Variants in FNIP1 observed in about 807,000 individuals in gnomAD.
The protein encoded by FNIP1 is folliculin interacting protein 1.
FNIP1 carries 40 observed loss-of-function variants against 124.5 expected under a neutral mutation model. The observed-to-expected ratio is 0.32, with a 90% confidence interval of 0.25 to 0.42. The LOEUF (loss-of-function observed/expected upper bound fraction) is 0.42. FNIP1 is among the 10% of genes least tolerant of loss of function. The pLI, the probability that FNIP1 is intolerant of heterozygous loss-of-function variation, is 1.00. For synonymous variants in FNIP1, 472 were observed against 470.6 expected (o/e 1.00, Z -0.04); for missense variants, 1,176 against 1,403.7 (o/e 0.84, Z 2.59).
Position 131,684,810 on chromosome 5 carries a change from T to C in FNIP1, c.1203-5635A>G, listed in dbSNP as rs532191139. On this transcript the variant is annotated intron_variant, in intron 11 of 17. Coordinates refer to ENST00000510461, the MANE Select transcript of FNIP1 (RefSeq NM_133372.3). ...TTCCTCAGAGCCCAAGCAGAAACTTTTGGCCTTTGCCACAAAGCTTGTGAC... is the reference window on the plus strand; with the variant it reads ...TTCCTCAGAGCCCAAGCAGAAACTTCTGGCCTTTGCCACAAAGCTTGTGAC... 3.3e-5 allele frequency among the ~76,000 whole-genome samples: 5 copies of C among 152,202 alleles called. No homozygotes were observed. The South Asian group carries it at 1.0e-3, about 31-fold the overall frequency.
At chr5:131,660,531 C>A (rs1336698088) in intron 15 of FNIP1, among the ~76,000 whole-genome samples, 1 of 152,126 alleles carries the variant, frequency 6.6e-6, no homozygotes, top group Non-Finnish European at 1.5e-5. Context: ...TCTGCCCCAA[C>A]AAATCAGCCG....
chr5:131,663,526 AAAG>A (rs146190150), intron 15 of FNIP1, among the ~76,000 whole-genome samples: 9,825 of 152,328 alleles, frequency 0.064, 614 homozygotes, highest in African/African-American at 0.16. Flanking sequence ...TGTAAATAAA[AAAG>A]AAGATTATTG....
intron 1 of FNIP1, among the ~76,000 whole-genome samples, chr5:131,785,068 G>GAT (rs1375841942): frequency 2.5e-4 from 3 of 12,238 alleles, no homozygotes; most frequent in Non-Finnish European, 8.3e-4. Context: ...TCATATATAT[G>GAT]ATATATATGA....
At chr5:131,785,998 T>C (rs781048004) in intron 1 of FNIP1, among the ~76,000 whole-genome samples, 1 of 152,124 alleles carries the variant, frequency 6.6e-6, no homozygotes, top group African/African-American at 2.4e-5. Flanking sequence ...CAAAACTTAT[T>C]CTGGAAACTT....
intron 2 of FNIP1, among the ~76,000 whole-genome samples, chr5:131,740,350 A>T (rs1770472734): frequency 1.3e-5 from 2 of 152,216 alleles, no homozygotes; most frequent in African/African-American, 2.4e-5. Context: ...CATAAATAAG[A>T]CTCAACTATT....
At chr5:131,774,310 G>A (rs1258713884) in intron 1 of FNIP1, among the ~76,000 whole-genome samples, 2 of 152,122 alleles carry the variant, frequency 1.3e-5, no homozygotes, top group Non-Finnish European at 1.5e-5. Context: ...TTACATGCAT[G>A]AGCCACTGCG....
chr5:131,727,578 G>A (rs960090159), intron 3 of FNIP1, among the ~76,000 whole-genome samples: 5 of 152,056 alleles, frequency 3.3e-5, no homozygotes, highest in Non-Finnish European at 1.5e-5. Flanking sequence ...TATCTTTGCA[G>A]ATGAGATGGG....
At chr5:131,657,204 A>G (rs969719756) in intron 15 of FNIP1, among the ~76,000 whole-genome samples, 53 of 151,854 alleles carry the variant, frequency 3.5e-4, no homozygotes, top group Admixed American at 3.3e-3. Context: ...GGTTTTCACT[A>G]TGTTGGCCAG....
intron 15 of FNIP1, among the ~76,000 whole-genome samples, chr5:131,660,188 A>G (rs915674615): frequency 6.6e-6 from 1 of 151,492 alleles, no homozygotes; most frequent in Non-Finnish European, 1.5e-5. Flanking sequence ...GGGTGGACAC[A>G]GTCTTGGTGG....
At chr5:131,668,248 C>G (rs1767657308) in intron 15 of FNIP1, among the ~76,000 whole-genome samples, 1 of 152,040 alleles carries the variant, frequency 6.6e-6, no homozygotes, top group African/African-American at 2.4e-5. Context: ...AATTAGAAAC[C>G]AACAGCAAAA....
intron 11 of FNIP1, among the ~76,000 whole-genome samples, chr5:131,684,352 A>G (rs992690651): frequency 2.6e-5 from 4 of 152,226 alleles, no homozygotes; most frequent in African/African-American, 7.2e-5. Context: ...AATGTTAGCA[A>G]GTGGGTGAAT....
rs1306976467 is a variant in FNIP1, at chr5:131,642,137, A to G, written c.*2548T>C. The G allele has an allele frequency of 6.5e-6, 1 of 152,698 alleles. No individual in the cohort carries two copies. Among genetic ancestry groups the G allele is most frequent in the Non-Finnish European group, 1.5e-5 (1 of 68,020 alleles). 9.5% of individuals were successfully genotyped at this position (152,698 alleles called of 1,614,324 possible). A position where few individuals can be genotyped will look rare whatever the true frequency, so the allele number is the denominator to read the frequency against. ...TTTCAATAAACAGGTTTTTTTTGAT[A>G]TGTAACAACTGTCTGTACCATAACT... is the stretch of plus-strand genomic sequence containing the variant. On this transcript the variant is annotated 3_prime_UTR_variant, in exon 18 of 18. Coordinates refer to ENST00000510461, the MANE Select transcript of FNIP1 (RefSeq NM_133372.3).
intron 1 of FNIP1, among the ~76,000 whole-genome samples, chr5:131,780,117 A>C (rs1415908763): frequency 6.6e-6 from 1 of 152,180 alleles, no homozygotes; most frequent in East Asian, 1.9e-4. Flanking sequence ...TGACACATTC[A>C]AAGCCCACTA....
chr5:131,748,314 T>C (rs1170798787), intron 1 of FNIP1, among the ~76,000 whole-genome samples: 1 of 152,172 alleles, frequency 6.6e-6, no homozygotes, highest in Non-Finnish European at 1.5e-5. Flanking sequence ...TCTGTGGTGA[T>C]GCTCATGTAA....
chr5:131,781,060 T>C (rs569211753), intron 1 of FNIP1, among the ~76,000 whole-genome samples: 1 of 152,322 alleles, frequency 6.6e-6, no homozygotes, highest in African/African-American at 2.4e-5. Flanking sequence ...GAAACAGCCT[T>C]ATTGCTGATA....
At chr5:131,723,869 C>T (rs1769759743) in intron 3 of FNIP1, among the ~76,000 whole-genome samples, 1 of 151,060 alleles carries the variant, frequency 6.6e-6, no homozygotes. Flanking sequence ...TAGCCCCCCA[C>T]CCCCCAATAG....
chr5:131,659,841 A>C (rs2149509154), intron 15 of FNIP1, among the ~76,000 whole-genome samples: 1 of 152,310 alleles, frequency 6.6e-6, no homozygotes, highest in East Asian at 1.9e-4. Context: ...CATGCAGCTC[A>C]TTGTAGAAGG....
Position 131,678,926 on chromosome 5 carries a change from TTAA to T in FNIP1, c.1349+100_1349+102del, listed in dbSNP as rs1258690547. Reference sequence around the variant, plus strand: ...TTAGAATTCTGATTATTAATTTTGATTAATAATATAAAATAATTCCAAAGATAA... The same window carrying T: ...TTAGAATTCTGATTATTAATTTTGATTAATATAAAATAATTCCAAAGATAA... On this transcript the variant is annotated intron_variant, in intron 12 of 17. Coordinates refer to ENST00000510461, the MANE Select transcript of FNIP1 (RefSeq NM_133372.3). 5.1e-5 allele frequency: 39 copies of T among 766,610 alleles called. No homozygotes were observed. The Admixed American group carries it at 8.0e-4, about 16-fold the overall frequency. The allele number at this position is 766,610 out of a possible 1,614,324, so 47.5% of individuals were successfully genotyped here. A position where few individuals can be genotyped will look rare whatever the true frequency, so the allele number is the denominator to read the frequency against.
chr5:131,718,916 G>GCA, intron 5 of FNIP1, 70 bp downstream of exon 5: 3 of 1,288,988 alleles, frequency 2.3e-6, no homozygotes, highest in Non-Finnish European at 2.2e-6. Context: ...AGTCCTAAAA[G>GCA]CAGTTGGTTA....
Sources: allele counts gnomAD v4.1 joint callset (sites outside exome capture counted in the v4.1 genomes callset), GRCh38; gene constraint gnomAD v4.1.1; transcripts MANE v1.5; gene names NCBI Gene and HGNC (gene_info 2026-07-23, HGNC 2026-07-21).